The following PFKFB3 variants were observed in gnomAD, a reference collection of about 807,000 sequenced individuals.
PFKFB3 encodes the protein 6-phosphofructo-2-kinase/fructose-2,6-biphosphatase 3.
Under a neutral mutation model 68.0 loss-of-function variants are expected in PFKFB3, and 33 were observed. The observed-to-expected ratio is 0.49, with a 90% CI of 0.37 to 0.65. PFKFB3 has a LOEUF of 0.65. PFKFB3 is among the 30% of genes least tolerant of loss of function. The pLI is 0.00. For synonymous variants in PFKFB3, 315 were observed against 288.2 expected, an observed-to-expected ratio of 1.09 and a Z score of -0.94; for missense variants, 586 against 712.2, an observed-to-expected ratio of 0.82 and a Z score of 2.02.
At chr10:6,265,525 C>T in the PFKFB3 span, among the ~76,000 whole-genome samples, 13 of 152,246 alleles carry the variant, frequency 8.5e-5, no homozygotes, top group African/African-American at 2.9e-4. Flanking sequence ...ACATCCCTGG[C>T]TAGAATATTA....
the PFKFB3 span, among the ~76,000 whole-genome samples, chr10:6,309,695 C>A: frequency 6.6e-6 from 1 of 151,946 alleles, no homozygotes; most frequent in African/African-American, 2.4e-5. Flanking sequence ...TTAGACATAT[C>A]GCCATATTTA....
intron 14 of PFKFB3, among the ~76,000 whole-genome samples, chr10:6,243,250 G>A (rs72777897): frequency 0.025 from 3,827 of 152,262 alleles, 65 homozygotes; most frequent in Non-Finnish European, 0.038. Context: ...TGTAATCCTC[G>A]GAACTGCCGC....
At chr10:6,207,307 G>A (rs955186742) in intron 1 of PFKFB3, among the ~76,000 whole-genome samples, 2 of 152,244 alleles carry the variant, frequency 1.3e-5, no homozygotes, top group South Asian at 2.1e-4. Context: ...GCGTGGCGGC[G>A]CCTCCTGCAA....
the PFKFB3 span, among the ~76,000 whole-genome samples, chr10:6,269,004 C>G: frequency 2.4e-4 from 22 of 90,420 alleles, no homozygotes; most frequent in Non-Finnish European, 8.4e-5. Flanking sequence ...GCCTGGGAGA[C>G]AAGAGTGAGA....
intron 1 of PFKFB3, among the ~76,000 whole-genome samples, chr10:6,189,624 C>T (rs1355442345): frequency 6.6e-6 from 1 of 151,562 alleles, no homozygotes; most frequent in East Asian, 1.9e-4. Flanking sequence ...AAGCGATTCT[C>T]CTGCCTCAGC....
chr10:6,264,621 G>A, the PFKFB3 span, among the ~76,000 whole-genome samples: 2 of 152,252 alleles, frequency 1.3e-5, no homozygotes, highest in African/African-American at 4.8e-5. Flanking sequence ...AAGAAAGGCT[G>A]TAAGAATAGT....
chr10:6,307,829 G>A, the PFKFB3 span, among the ~76,000 whole-genome samples: 1,537 of 152,292 alleles, frequency 0.01, 37 homozygotes, highest in East Asian at 0.055. Context: ...CAGCGGTGTT[G>A]AGAGATGGGA....
intron 1 of PFKFB3, chr10:6,197,508 C>T (rs1843208154): frequency 6.6e-6 from 1 of 152,200 alleles, no homozygotes; most frequent in South Asian, 2.1e-4. Flanking sequence ...AACATATCCC[C>T]ATCATTAGCC....
At chr10:6,231,382 G>A in intron 14 of PFKFB3, 2 of 1,606,634 alleles carry the variant, frequency 1.2e-6, no homozygotes, top group Non-Finnish European at 1.7e-6. Context: ...TGTGCAGACT[G>A]GCCATCGTGC....
intron 14 of PFKFB3, among the ~76,000 whole-genome samples, chr10:6,241,466 C>T (rs934291330): frequency 2.6e-5 from 4 of 152,206 alleles, no homozygotes; most frequent in African/African-American, 9.7e-5. Context: ...AGTCCAGCTC[C>T]CTTTCAAGGG....
the PFKFB3 span, among the ~76,000 whole-genome samples, chr10:6,301,200 A>C: frequency 6.6e-6 from 1 of 152,180 alleles, no homozygotes; most frequent in Non-Finnish European, 1.5e-5. Flanking sequence ...CATTATCTCA[A>C]TGGAATGGTG....
At chr10:6,218,810 C>T (rs1844762517) in intron 6 of PFKFB3, among the ~76,000 whole-genome samples, 1 of 152,194 alleles carries the variant, frequency 6.6e-6, no homozygotes, top group Admixed American at 6.5e-5. Context: ...ACTCTATCCG[C>T]AGGACTTTCT....
the PFKFB3 span, among the ~76,000 whole-genome samples, chr10:6,287,627 T>G: frequency 6.6e-6 from 1 of 152,158 alleles, no homozygotes; most frequent in African/African-American, 2.4e-5. Context: ...AATCACCTGA[T>G]GACACATATC....
the PFKFB3 span, chr10:6,294,048 G>C: frequency 1.9e-6 from 1 of 517,600 alleles, no homozygotes; most frequent in Admixed American, 2.0e-5. Flanking sequence ...AGGAGCCATT[G>C]TATAGTTCGT....
At chr10:6,278,717 AG>A in the PFKFB3 span, among the ~76,000 whole-genome samples, 20 of 152,226 alleles carry the variant, frequency 1.3e-4, no homozygotes, top group Admixed American at 1.3e-3. Context: ...AGGTTTGCGG[AG>A]GGCAGACTTT....
At chr10:6,258,443 G>A (rs1846511056), downstream of PFKFB3, among the ~76,000 whole-genome samples, 1 of 152,202 alleles carries the variant, frequency 6.6e-6, no homozygotes, top group African/African-American at 2.4e-5. Context: ...TCTGTTTCTG[G>A]GCCTGAGGAC....
At chr10:6,147,800 C>T (rs749486500) in intron 1 of PFKFB3, among the ~76,000 whole-genome samples, 9 of 151,096 alleles carry the variant, frequency 6.0e-5, no homozygotes, top group Non-Finnish European at 1.2e-4. Flanking sequence ...CGGGGTGGTC[C>T]ATACAGGGGA....
chr10:6,206,007 T>G (rs1588471820), intron 1 of PFKFB3, among the ~76,000 whole-genome samples: 3 of 149,218 alleles, frequency 2.0e-5, no homozygotes, highest in Non-Finnish European at 4.5e-5. Flanking sequence ...CATTCTTGGG[T>G]GTTTCTCGCA....
intron 1 of PFKFB3, among the ~76,000 whole-genome samples, chr10:6,145,459 G>A (rs1414635422): frequency 6.6e-6 from 1 of 152,170 alleles, no homozygotes; most frequent in African/African-American, 2.4e-5. Flanking sequence ...GCTTCCCGCT[G>A]CGCTCCAGCC....
Sources: allele counts gnomAD v4.1 joint callset (sites outside exome capture counted in the v4.1 genomes callset), GRCh38; gene constraint gnomAD v4.1.1; transcripts MANE v1.5; gene names NCBI Gene and HGNC (gene_info 2026-07-23, HGNC 2026-07-21).